Variants in FAF1 observed in about 807,000 individuals in gnomAD.
FAF1 encodes the protein Fas associated factor 1, also known as FAS-associated factor 1.
A neutral mutation model predicts 92.5 loss-of-function variants in FAF1; 25 were observed. The ratio of observed to expected loss-of-function variants is 0.27; its 90% CI spans 0.20 to 0.38. The LOEUF (loss-of-function observed/expected upper bound fraction) is 0.38, where lower values mean the gene tolerates loss of function less well. Ranked by LOEUF, FAF1 falls within the 10% of genes least tolerant of loss-of-function variation. FAF1 has a pLI of 1.00. For synonymous variants in FAF1, 234 were observed against 273.2 expected (o/e 0.86, Z 1.42); for missense variants, 636 against 793.3 (o/e 0.80, Z 2.38).
chr1:50,819,638 TCACACACACACACACA>T (rs375892280), intron 2 of FAF1, among the ~76,000 whole-genome samples: 5 of 97,822 alleles, frequency 5.1e-5, no homozygotes, highest in Non-Finnish European at 8.0e-5. Context: ...ACTGACTCAC[TCACACACACACACACA>T]CACACACACA....
At chr1:50,649,073 T>C (rs1311403749) in intron 8 of FAF1, among the ~76,000 whole-genome samples, 1 of 151,658 alleles carries the variant, frequency 6.6e-6, no homozygotes, top group Non-Finnish European at 1.5e-5. Context: ...TGAGCCACCG[T>C]GTCCAGCCTT....
At position 50,818,445 on chromosome 1, in the gene FAF1, A is replaced by T. The variant is rs555100405; in HGVS notation, c.115-16768T>A. Among the ~76,000 whole-genome samples, 3 of 152,368 alleles carry T rather than the reference A, an allele frequency of 2.0e-5. No individual in the cohort carries two copies. The East Asian group carries it at 5.8e-4, about 29-fold the overall frequency. Reference sequence around the variant, plus strand: ...AATGTCTACCAAAGACCAGTATACAAATATTCGTACCGGATACAACCAAAA... The same window carrying T: ...AATGTCTACCAAAGACCAGTATACATATATTCGTACCGGATACAACCAAAA... On this transcript the variant is annotated intron_variant, in intron 2 of 18. Coordinates refer to ENST00000396153, the MANE Select transcript of FAF1 (RefSeq NM_007051.3).
At chr1:50,596,062 T>C (rs1651797383) in intron 9 of FAF1, 59 bp downstream of exon 9, 2 of 1,069,240 alleles carry the variant, frequency 1.9e-6, no homozygotes, top group African/African-American at 1.6e-5. Flanking sequence ...AAAAGGGAAG[T>C]GCGCAGGTAG....
At chr1:50,849,741 A>G (rs1362114646) in intron 2 of FAF1, among the ~76,000 whole-genome samples, 1 of 152,214 alleles carries the variant, frequency 6.6e-6, no homozygotes, top group Non-Finnish European at 1.5e-5. Context: ...TTGTAAAAAA[A>G]AGAGTCAAAA....
chr1:50,556,425 T>C (rs1649585041), intron 13 of FAF1, among the ~76,000 whole-genome samples: 1 of 151,994 alleles, frequency 6.6e-6, no homozygotes, highest in African/African-American at 2.4e-5. Context: ...AAAAATTACC[T>C]ATTGGGTACA....
In FAF1 at chr1:50,893,662, A is replaced by G. The variant is rs567652375; in HGVS notation, c.46-35665T>C. Among the ~76,000 whole-genome samples the G allele has an allele frequency of 2.6e-5, 4 of 152,294 alleles. No homozygotes were observed. In the South Asian group the frequency reaches 6.2e-4, roughly 24 times the overall value. ...CCTGATGCCAGCACAGTACTGAGTC[A>G]CATCCCAGGCTGCCTGTAACTACTA... On this transcript the variant is annotated intron_variant, in intron 1 of 18. Coordinates refer to ENST00000396153, the MANE Select transcript of FAF1 (RefSeq NM_007051.3).
chr1:50,844,488 C>T (rs1047372407), intron 2 of FAF1, among the ~76,000 whole-genome samples: 5 of 151,326 alleles, frequency 3.3e-5, no homozygotes, highest in African/African-American at 4.9e-5. Context: ...ATGGCCTTTG[C>T]GCACAGCAAA....
At chr1:50,918,939 G>T (rs1644941765) in intron 1 of FAF1, among the ~76,000 whole-genome samples, 1 of 151,814 alleles carries the variant, frequency 6.6e-6, no homozygotes, top group Non-Finnish European at 1.5e-5. Flanking sequence ...TTCTCTGATG[G>T]CCAGTGATGA....
chr1:50,755,174 C>T (rs1407112286), intron 4 of FAF1, among the ~76,000 whole-genome samples: 1 of 152,102 alleles, frequency 6.6e-6, no homozygotes, highest in African/African-American at 2.4e-5. Flanking sequence ...AAGGCAAGTC[C>T]CTTCGACCTA....
chr1:50,954,042 G>A (rs927728504), intron 1 of FAF1, among the ~76,000 whole-genome samples: 30 of 151,776 alleles, frequency 2.0e-4, no homozygotes, highest in Non-Finnish European at 3.8e-4. Flanking sequence ...TCTGCCTCCC[G>A]GGTTTATGCC....
intron 7 of FAF1, among the ~76,000 whole-genome samples, chr1:50,702,363 G>T (rs1657510845): frequency 6.6e-6 from 1 of 151,976 alleles, no homozygotes; most frequent in African/African-American, 2.4e-5. Flanking sequence ...TTAAAATAAG[G>T]TAAGCCTGTT....
chr1:50,469,083 C>A (rs1000859061), intron 18 of FAF1, among the ~76,000 whole-genome samples: 3 of 152,038 alleles, frequency 2.0e-5, no homozygotes, highest in Non-Finnish European at 4.4e-5. Flanking sequence ...TCTTTTAAAC[C>A]TTTTGCTATT....
chr1:50,910,669 G>A (rs1364772973), intron 1 of FAF1, among the ~76,000 whole-genome samples: 1 of 151,800 alleles, frequency 6.6e-6, no homozygotes, highest in Non-Finnish European at 1.5e-5. Flanking sequence ...CTCCGTGGCC[G>A]TGGGACCCTC....
intron 15 of FAF1, among the ~76,000 whole-genome samples, chr1:50,511,023 C>A (rs1481087691): frequency 6.6e-6 from 1 of 152,074 alleles, no homozygotes; most frequent in Admixed American, 6.5e-5. Context: ...AAGTTAATTT[C>A]TTGTCTTCCT....
chr1:50,888,329 C>T (rs921683398), intron 1 of FAF1, among the ~76,000 whole-genome samples: 2 of 152,176 alleles, frequency 1.3e-5, no homozygotes, highest in Non-Finnish European at 2.9e-5. Context: ...CAAACAGGGA[C>T]AATTTTATTC....
intron 13 of FAF1, among the ~76,000 whole-genome samples, chr1:50,552,613 T>G (rs1649365972): frequency 6.6e-6 from 1 of 152,130 alleles, no homozygotes; most frequent in Non-Finnish European, 1.5e-5. Context: ...TCTATGAAAG[T>G]GCTATGAAAA....
chr1:50,554,390 T>TATATATAGAGAGAGAGAGAGAGAGAG, intron 13 of FAF1, among the ~76,000 whole-genome samples: 33 of 93,672 alleles, frequency 3.5e-4, no homozygotes, highest in African/African-American at 1.4e-3. Context: ...TATATATATA[T>TATATATAGAGAGAGAGAGAGAGAGAG]AGAGAGAGAG....
At chr1:50,818,156 CA>C (rs1320329339) in intron 2 of FAF1, among the ~76,000 whole-genome samples, 1 of 152,122 alleles carries the variant, frequency 6.6e-6, no homozygotes, top group Non-Finnish European at 1.5e-5. Flanking sequence ...AATTATACCT[CA>C]ATGAAGTTAA....
Position 50,837,487 on chromosome 1 carries a change from A to ATAC in FAF1, c.114+20439_114+20441dup, listed in dbSNP as rs544524061. Among the ~76,000 whole-genome samples the ATAC allele has an allele frequency of 3.9e-3, 588 of 152,324 alleles. 1 individual carries two copies. Among genetic ancestry groups the ATAC allele is most frequent in the African/African-American group, 0.013 (555 of 41,566 alleles). On this transcript the variant is annotated intron_variant, in intron 2 of 18. Coordinates refer to ENST00000396153, the MANE Select transcript of FAF1 (RefSeq NM_007051.3). ...ATTCAGTTAAATATTTTTGGCAAGAATACTACATAAGGGATTTCTTTCTTT... is the reference window on the plus strand; with the variant it reads ...ATTCAGTTAAATATTTTTGGCAAGAATACTACTACATAAGGGATTTCTTTCTTT...
Sources: gnomAD v4.1 joint callset for allele counts (sites outside exome capture counted in the v4.1 genomes callset) on GRCh38, gnomAD v4.1.1 for gene constraint, MANE v1.5 for transcripts, NCBI Gene and HGNC (gene_info 2026-07-23, HGNC 2026-07-21) for gene names.